ADGRL1: variants seen among roughly 807,000 people sequenced by gnomAD.
ADGRL1 encodes CIRL-1.
In ADGRL1, 31 loss-of-function variants were observed where a neutral mutation model predicts 148.9. The observed-to-expected ratio is 0.21, with a 90% CI of 0.16 to 0.28. ADGRL1 has a LOEUF of 0.28. Ranked by LOEUF, ADGRL1 falls within the 10% of genes least tolerant of loss-of-function variation. The pLI, the probability that ADGRL1 is intolerant of heterozygous loss-of-function variation, is 1.00. For synonymous variants in ADGRL1, 937 were observed against 900.3 expected (o/e 1.04, Z -0.73); for missense variants, 1,521 against 2,058.8 (o/e 0.74, Z 5.05).
chr19:14,203,852 G>T (rs1018247282), intron 1 of ADGRL1, among the ~76,000 whole-genome samples: 2 of 152,106 alleles, frequency 1.3e-5, no homozygotes, highest in African/African-American at 4.8e-5. Context: ...ATTGAGATGG[G>T]CGCCCCTTGG....
At position 14,159,535 on chromosome 19, in the gene ADGRL1, G is replaced by A; in HGVS notation, c.1889C>T (p.Ser630Phe). ...CTCCGTGGCATTCATGTCCTTCCAG[G>A]ACTCCAGAGCTTCTGGCCGGAGCAG... ...DNLLRPEALE[S>F]WKDMNATEQV... Residue 630 changes from serine to phenylalanine, a missense_variant, in exon 10 of 23, where the codon TCC becomes TTC. Ser to Phe is a radical substitution (Grantham distance 155, BLOSUM62 -2). Around this residue, in one of 8 missense-constraint regions of ADGRL1, gnomAD observed 265 missense variants for 431.9 expected, o/e 0.61. Coordinates refer to ENST00000361434, the MANE Select transcript of ADGRL1 (RefSeq NM_014921.5). This position sits in a 1 kb window ranked among gnomAD's most constrained non-coding sequence, Gnocchi z 6.0. The A allele has an allele frequency of 6.2e-7, 1 of 1,610,342 alleles. No homozygotes were observed. The highest frequency in any genetic ancestry group is 1.1e-5 in the South Asian group (1 of 90,936).
chr19:14,163,545 G>A lies in ADGRL1; in HGVS notation c.395-139C>T, dbSNP rs564704320. On this transcript the variant is annotated intron_variant, in intron 4 of 22. Coordinates refer to ENST00000361434, the MANE Select transcript of ADGRL1 (RefSeq NM_014921.5). Reference sequence around the variant, plus strand: ...CACGCTGCTGGTGGGGAGCCAGGTTGTCCCCTCCTGCTGCTGCAGTCACGG... The same window carrying A: ...CACGCTGCTGGTGGGGAGCCAGGTTATCCCCTCCTGCTGCTGCAGTCACGG... 3 of 672,816 alleles carry A rather than the reference G, an allele frequency of 4.5e-6. No individual in the cohort carries two copies. The East Asian group carries it at 8.3e-5, about 19-fold the overall frequency. The allele number at this position is 672,816 out of a possible 1,614,324, so 41.7% of individuals were successfully genotyped here. A position where few individuals can be genotyped will look rare whatever the true frequency, so the allele number is the denominator to read the frequency against.
Position 14,162,968 on chromosome 19 carries a change from G to C in ADGRL1, c.833C>G (p.Thr278Ser), listed in dbSNP as rs199914511. The C allele has an allele frequency of 2.4e-4, 382 of 1,613,800 alleles. No individual in the cohort carries two copies. Among genetic ancestry groups the C allele is most frequent in the Non-Finnish European group, 2.5e-4 (293 of 1,179,970 alleles). Reference sequence around the variant, plus strand: ...CACCAGCCGCCCGTTGTTGCCCTCAGTGGCGTAGATGACCCACAGCCCGTT... The same window carrying C: ...CACCAGCCGCCCGTTGTTGCCCTCACTGGCGTAGATGACCCACAGCCCGTT... ...DENGLWVIYA[T>S]EGNNGRLVVS... The change falls in exon 5 of 23, where the codon ACT becomes AGT. Residue 278 changes from threonine to serine, a missense_variant. By Grantham distance (58) the Thr-to-Ser change is moderately conservative. This residue lies in a region of ADGRL1 where 334 missense variants were observed against 512.5 expected (regional missense o/e 0.65). Transcript: ENST00000361434. This position sits in a 1 kb window ranked among gnomAD's most constrained non-coding sequence, Gnocchi z 5.4.
At chr19:14,182,150 C>A (rs146998845) in intron 2 of ADGRL1, among the ~76,000 whole-genome samples, 91 of 152,322 alleles carry the variant, frequency 6.0e-4, no homozygotes, top group African/African-American at 2.2e-3. Context: ...CCCTGAGGGG[C>A]AGAGAGGACA....
In ADGRL1 at chr19:14,151,048, G is replaced by T. The variant is rs1968118707; in HGVS notation, c.4235C>A (p.Pro1412His). 6.7e-7 allele frequency: 1 copy of T among 1,503,366 alleles called. No individual in the cohort carries two copies. Among genetic ancestry groups the T allele is most frequent in the East Asian group, 2.4e-5 (1 of 40,824 alleles). The allele number at this position is 1,503,366 out of a possible 1,614,324, so 93.1% of individuals were successfully genotyped here. Residue 1412 changes from proline (P) to histidine (H), a missense_variant, in exon 23 of 23, where the codon CCC becomes CAC. This residue lies in a region of ADGRL1 where 390 missense variants were observed against 375.0 expected (regional missense o/e 1.04). Transcript: ENST00000361434. Reference sequence around the variant, plus strand: ...GGTGTAGTAGATTTCGGGGGGGCCGGGGGGTGCGGGAGGGGGTGGGGGCAG... The same window carrying T: ...GGTGTAGTAGATTTCGGGGGGGCCGTGGGGTGCGGGAGGGGGTGGGGGCAG... ...EALPPPPPAP[P>H]GPPEIYYTSR... is the part of the protein sequence containing the mutation.
At position 14,151,305 on chromosome 19, in the gene ADGRL1, G is replaced by A. The variant is rs1052094367; in HGVS notation, c.3978C>T (p.Ala1326=). The A allele has an allele frequency of 4.7e-5, 76 of 1,604,532 alleles. No individual in the cohort carries two copies. Among genetic ancestry groups the A allele is most frequent in the Non-Finnish European group, 6.0e-5 (71 of 1,176,370 alleles). Residue 1326 remains alanine, a synonymous_variant, in exon 23 of 23, where the codon GCC becomes GCT. Coordinates refer to ENST00000361434, the MANE Select transcript of ADGRL1 (RefSeq NM_014921.5). ...GGGCCTTATAGAGAAGTTCAATCTCGGCCCGGTCAGCACCCCCGGGCCCGC... is the reference window on the plus strand; with the variant it reads ...GGGCCTTATAGAGAAGTTCAATCTCAGCCCGGTCAGCACCCCCGGGCCCGC... ...EAGGPGGADR[A]EIELLYKALE...
At chr19:14,198,090 A>C (rs1972377145) in intron 1 of ADGRL1, among the ~76,000 whole-genome samples, 1 of 152,076 alleles carries the variant, frequency 6.6e-6, no homozygotes, top group African/African-American at 2.4e-5. Flanking sequence ...GCACGTGCAA[A>C]GGTCCTGGGG....
At chr19:14,168,511 C>A (rs892550190) in intron 4 of ADGRL1, among the ~76,000 whole-genome samples, 1 of 152,112 alleles carries the variant, frequency 6.6e-6, no homozygotes, top group Non-Finnish European at 1.5e-5. Context: ...GGCAGCCACT[C>A]ATCCTCTGAA....
chr19:14,159,136 G>A lies in ADGRL1; in HGVS notation c.2103C>T (p.Asn701=), dbSNP rs1969079506. Residue 701 remains asparagine (N), a synonymous_variant, in exon 11 of 23, where the codon AAC becomes AAT. Coordinates refer to ENST00000361434, the MANE Select transcript of ADGRL1 (RefSeq NM_014921.5). This position sits in a 1 kb window ranked among gnomAD's most constrained non-coding sequence, Gnocchi z 6.0. ...VFPQEEYPRK[N]SIQLSAKTIK... ...TGGTTTTGGCAGACAGCTGGATGGAGTTCTTTCTCGGGTACTCCTCCTGGG... is the reference window on the plus strand; with the variant it reads ...TGGTTTTGGCAGACAGCTGGATGGAATTCTTTCTCGGGTACTCCTCCTGGG... 6.2e-7 allele frequency: 1 copy of A among 1,614,160 alleles called. No individual in the cohort carries two copies. The highest frequency in any genetic ancestry group is 8.5e-7 in the Non-Finnish European group (1 of 1,180,024).
At chr19:14,205,813 C>A (rs1227548522) in intron 1 of ADGRL1, among the ~76,000 whole-genome samples, 172 bp downstream of exon 1, 1 of 151,736 alleles carries the variant, frequency 6.6e-6, no homozygotes, top group African/African-American at 2.4e-5. Context: ...GGGCTGCCCC[C>A]GACGCCCCTC....
At chr19:14,196,462 T>C (rs1179772428) in intron 1 of ADGRL1, among the ~76,000 whole-genome samples, 2 of 152,076 alleles carry the variant, frequency 1.3e-5, no homozygotes, top group African/African-American at 4.8e-5. Flanking sequence ...CTGCCAAAAA[T>C]ACAAAAAGTT....
intron 2 of ADGRL1, 81 bp from the exon 3 acceptor site, chr19:14,177,825 A>G: frequency 7.8e-7 from 1 of 1,289,364 alleles, no homozygotes; most frequent in East Asian, 2.4e-5. Context: ...AGAAAACACC[A>G]CCTCTGGCTC....
Position 14,162,352 on chromosome 19 carries a change from C to T in ADGRL1, c.1195+254G>A, listed in dbSNP as rs1047591898. ...GGTTCAAATCCTCAAATAACTTAATCCCCTACCCACACAGAGCCTCAGTGT... is the reference window on the plus strand; with the variant it reads ...GGTTCAAATCCTCAAATAACTTAATTCCCTACCCACACAGAGCCTCAGTGT... On this transcript the variant is annotated intron_variant, in intron 5 of 22. Coordinates refer to ENST00000361434, the MANE Select transcript of ADGRL1 (RefSeq NM_014921.5). The surrounding 1 kb of genome is among the most constrained non-coding windows in gnomAD (Gnocchi z 5.4). Among the ~76,000 whole-genome samples the T allele has an allele frequency of 1.3e-5, 2 of 152,206 alleles. No individual in the cohort carries two copies. Among genetic ancestry groups the T allele is most frequent in the African/African-American group, 4.8e-5 (2 of 41,444 alleles).
intron 1 of ADGRL1, among the ~76,000 whole-genome samples, chr19:14,205,209 T>G (rs1316245702): frequency 1.3e-5 from 2 of 151,936 alleles, no homozygotes; most frequent in African/African-American, 4.8e-5. Context: ...GATGGGAGGA[T>G]GACAACCAAA....
chr19:14,177,283 G>A (rs79901563), intron 3 of ADGRL1, among the ~76,000 whole-genome samples: 1,660 of 152,262 alleles, frequency 0.011, 30 homozygotes, highest in African/African-American at 0.037. Flanking sequence ...ATGGAAGCAA[G>A]AGGCTGGTGG....
At position 14,156,095 on chromosome 19, in the gene ADGRL1, A is replaced by C. The variant is rs747260413; in HGVS notation, c.3125+15T>G. ...GTGGGTGATGGGGCAGGGGGCAGGC[A>C]GGGGCGAGGCTCACTTAATGTTGTC... On this transcript the variant is annotated intron_variant, in intron 17 of 22. Coordinates refer to ENST00000361434, the MANE Select transcript of ADGRL1 (RefSeq NM_014921.5). 1.3e-6 allele frequency: 2 copies of C among 1,598,548 alleles called. No individual in the cohort carries two copies. The highest frequency in any genetic ancestry group is 1.3e-5 in the African/African-American group (1 of 74,682).
chr19:14,201,695 T>C (rs1331827878), intron 1 of ADGRL1, among the ~76,000 whole-genome samples: 1 of 152,050 alleles, frequency 6.6e-6, no homozygotes, highest in African/African-American at 2.4e-5. Flanking sequence ...GGTTTACAGG[T>C]GTGAGTCACC....
At chr19:14,156,794 A>G in intron 15 of ADGRL1, 70 bp from the exon 16 acceptor site, 1 of 1,531,708 alleles carries the variant, frequency 6.5e-7, no homozygotes, top group Non-Finnish European at 8.9e-7. Flanking sequence ...ATGAAGGCCT[A>G]GGACTCTGCA....
intron 4 of ADGRL1, among the ~76,000 whole-genome samples, chr19:14,165,100 G>A (rs1969827344): frequency 6.6e-6 from 1 of 152,196 alleles, no homozygotes; most frequent in Admixed American, 6.5e-5. Context: ...CCTCCAGCAG[G>A]CTTGGGAGGG....
Sources: allele counts gnomAD v4.1 joint callset (sites outside exome capture counted in the v4.1 genomes callset), GRCh38; gene constraint gnomAD v4.1.1; regional missense constraint gnomAD v4.1.1; non-coding constraint Gnocchi (gnomAD v3.1); transcripts MANE v1.5; gene names NCBI Gene and HGNC (gene_info 2026-07-23, HGNC 2026-07-21).